Variants in TIAM1 observed in about 807,000 individuals in gnomAD.
TIAM1 encodes the protein rho guanine nucleotide exchange factor TIAM1.
Under a neutral mutation model 163.5 loss-of-function variants are expected in TIAM1, and 65 were observed. The observed-to-expected ratio is 0.40, with a 90% confidence interval of 0.33 to 0.49. The LOEUF is 0.49. Ranked by LOEUF, TIAM1 falls within the 20% of genes least tolerant of loss-of-function variation. TIAM1 has a pLI of 0.77. For missense variants in TIAM1, 1,789 were observed against 2,044.7 expected (o/e 0.87, Z 2.41); for synonymous variants, 833 against 810.1 (o/e 1.03, Z -0.48).
intron 12 of TIAM1, among the ~76,000 whole-genome samples, chr21:31,199,260 G>A (rs1414318645): frequency 6.6e-6 from 1 of 152,118 alleles, no homozygotes; most frequent in East Asian, 1.9e-4. Flanking sequence ...AGCCTTCTAT[G>A]GGCCCTGGCT....
intron 2 of TIAM1, among the ~76,000 whole-genome samples, chr21:31,338,710 G>C (rs2075928853): frequency 6.6e-6 from 1 of 152,134 alleles, no homozygotes. Context: ...GCGACCTCTT[G>C]ATCCATTCTG....
intron 1 of TIAM1, among the ~76,000 whole-genome samples, chr21:31,504,868 T>C (rs574631901): frequency 6.6e-6 from 1 of 152,240 alleles, no homozygotes; most frequent in East Asian, 1.9e-4. Context: ...TCCCAGAAGC[T>C]AAGAACTTGA....
At chr21:31,412,579 C>T (rs1173223585) in intron 2 of TIAM1, among the ~76,000 whole-genome samples, 8 of 151,760 alleles carry the variant, frequency 5.3e-5, no homozygotes, top group Non-Finnish European at 7.4e-5. Flanking sequence ...GTCAGGAGTT[C>T]GAGACCAACC....
intron 1 of TIAM1, among the ~76,000 whole-genome samples, chr21:31,511,518 A>G (rs954980907): frequency 3.3e-5 from 5 of 152,182 alleles, no homozygotes; most frequent in Admixed American, 6.5e-5. Context: ...CATGATAATA[A>G]TAGTATCTAG....
At chr21:31,188,992 C>T (rs1400103501) in intron 13 of TIAM1, among the ~76,000 whole-genome samples, 2 of 149,516 alleles carry the variant, frequency 1.3e-5, no homozygotes, top group Admixed American at 1.3e-4. Flanking sequence ...TCACCTGAAG[C>T]CAATTAGATG....
intron 2 of TIAM1, among the ~76,000 whole-genome samples, chr21:31,376,924 T>A (rs1016719718): frequency 2.0e-5 from 3 of 151,886 alleles, no homozygotes; most frequent in African/African-American, 4.8e-5. Context: ...AGTGGCACGA[T>A]CTCAGCTCAC....
chr21:31,259,002 G>A (rs989472995), intron 4 of TIAM1, among the ~76,000 whole-genome samples: 1 of 151,982 alleles, frequency 6.6e-6, no homozygotes, highest in African/African-American at 2.4e-5. Context: ...TGGCTTTATG[G>A]CCACATCCAA....
intron 2 of TIAM1, among the ~76,000 whole-genome samples, chr21:31,431,280 T>C (rs1276883497): frequency 6.6e-6 from 1 of 152,122 alleles, no homozygotes; most frequent in South Asian, 2.1e-4. Context: ...CTTACCAGAC[T>C]GTACTGAATG....
In TIAM1 at chr21:31,164,954, T is replaced by C; in HGVS notation, c.2991+8A>G. 2.5e-6 allele frequency: 4 copies of C among 1,613,644 alleles called. No homozygotes were observed. Among genetic ancestry groups the C allele is most frequent in the Non-Finnish European group, 2.5e-6 (3 of 1,179,732 alleles). Reference sequence around the variant, plus strand: ...AAAGCATGGGATGTGAAAATGAAAATCTCTCACCTTGCTGCTGTGATCAGT... The same window carrying C: ...AAAGCATGGGATGTGAAAATGAAAACCTCTCACCTTGCTGCTGTGATCAGT... On this transcript the variant is annotated splice_region_variant and intron_variant, in intron 16 of 27. Coordinates refer to ENST00000541036, the MANE Select transcript of TIAM1 (RefSeq NM_001353694.2).
intron 2 of TIAM1, among the ~76,000 whole-genome samples, chr21:31,432,117 T>TG: frequency 2.1e-5 from 3 of 142,450 alleles, no homozygotes; most frequent in Non-Finnish European, 3.0e-5. Flanking sequence ...TTTTTTTTTT[T>TG]TTGAGACGGA....
chr21:31,239,355 TC>T (rs1328841780), intron 6 of TIAM1, among the ~76,000 whole-genome samples: 1 of 152,116 alleles, frequency 6.6e-6, no homozygotes, highest in Non-Finnish European at 1.5e-5. Flanking sequence ...GGTCACAACC[TC>T]CTGGGCTCAG....
intron 9 of TIAM1, among the ~76,000 whole-genome samples, chr21:31,214,583 TG>T (rs1165387564): frequency 6.6e-6 from 1 of 152,018 alleles, no homozygotes; most frequent in African/African-American, 2.4e-5. Flanking sequence ...AATAGAAAAT[TG>T]TCTCTTCCTT....
intron 2 of TIAM1, among the ~76,000 whole-genome samples, chr21:31,289,256 A>C (rs890964650): frequency 1.3e-5 from 2 of 152,348 alleles, no homozygotes; most frequent in East Asian, 3.9e-4. Context: ...ATGGGCACAG[A>C]GGGATGGCAA....
intron 2 of TIAM1, among the ~76,000 whole-genome samples, chr21:31,418,589 C>A (rs2043456811): frequency 6.6e-6 from 1 of 152,070 alleles, no homozygotes; most frequent in African/African-American, 2.4e-5. Context: ...AAGGAGAGCT[C>A]TCTGTAGTTT....
intron 22 of TIAM1, among the ~76,000 whole-genome samples, chr21:31,137,989 G>C (rs2082690654): frequency 6.6e-6 from 1 of 151,452 alleles, no homozygotes; most frequent in African/African-American, 2.4e-5. Context: ...CTCTGGACAA[G>C]CTTCCCAGGG....
At chr21:31,313,633 G>T (rs2075008082) in intron 2 of TIAM1, among the ~76,000 whole-genome samples, 1 of 152,132 alleles carries the variant, frequency 6.6e-6, no homozygotes, top group South Asian at 2.1e-4. Context: ...GCCATCCAGT[G>T]GCGCAATCTT....
intron 16 of TIAM1, among the ~76,000 whole-genome samples, chr21:31,158,975 C>T (rs1244608090): frequency 1.3e-5 from 2 of 152,074 alleles, no homozygotes; most frequent in Non-Finnish European, 2.9e-5. Flanking sequence ...GAAAGGTCGC[C>T]TCAATGGGAG....
chr21:31,527,351 G>T lies in TIAM1; in HGVS notation c.-422+31576C>A, dbSNP rs2047822743. On this transcript the variant is annotated intron_variant, in intron 1 of 28. Coordinates refer to the TIAM1 transcript ENST00000286827. ...TTATCAGAATCTTAGAGGAGGCCCA[G>T]AGACACAAAAAGACCACATTTAGGT... is the stretch of plus-strand genomic sequence containing the variant. Among the ~76,000 whole-genome samples, 3 of 152,134 alleles carry T rather than the reference G, an allele frequency of 2.0e-5. No individual in the cohort carries two copies. The South Asian group carries it at 6.2e-4, about 32-fold the overall frequency.
intron 2 of TIAM1, among the ~76,000 whole-genome samples, chr21:31,377,527 G>A (rs2076707761): frequency 6.6e-6 from 1 of 152,134 alleles, no homozygotes; most frequent in South Asian, 2.1e-4. Context: ...CCAAGAGTGG[G>A]CTCATTCATC....
Sources: gnomAD v4.1 joint callset for allele counts (sites outside exome capture counted in the v4.1 genomes callset) on GRCh38, gnomAD v4.1.1 for gene constraint, MANE v1.5 for transcripts, NCBI Gene and HGNC (gene_info 2026-07-23, HGNC 2026-07-21) for gene names.